The following DYNC2H1 variants were observed in gnomAD, a reference collection of about 807,000 sequenced individuals.
The protein encoded by DYNC2H1 is cytoplasmic dynein 2 heavy chain 1.
A neutral mutation model predicts 570.0 loss-of-function variants in DYNC2H1; 410 were observed. The observed-to-expected ratio is 0.72, with a 90% CI of 0.66 to 0.78. DYNC2H1 has a LOEUF of 0.78. Ranked by LOEUF, DYNC2H1 falls within the 30% of genes least tolerant of loss-of-function variation. DYNC2H1 has a pLI of 0.00. For synonymous variants in DYNC2H1, 1,688 were observed against 1,677.6 expected (o/e 1.01, Z -0.15); for missense variants, 4,865 against 5,046.4 (o/e 0.96, Z 1.09).
At position 103,191,589 on chromosome 11, in the gene DYNC2H1, C is replaced by A. The variant is rs1411372107; in HGVS notation, c.7510C>A (p.Leu2504Ile). The A allele has an allele frequency of 1.2e-6, 2 of 1,608,910 alleles. No individual in the cohort carries two copies. Among genetic ancestry groups the A allele is most frequent in the Non-Finnish European group, 1.7e-6 (2 of 1,177,544 alleles). ...FTPCILTQWV[L>I]GLFRYDLEGG... ...TCCTTGCATTCTTACCCAATGGGTT[C>A]TTGGCTTATTTAGATATGATTTAGA... Residue 2504 changes from leucine (L) to isoleucine (I), a missense_variant, in exon 46 of 89, where the codon CTT becomes ATT. Coordinates refer to ENST00000375735, the MANE Select transcript of DYNC2H1 (RefSeq NM_001377.3).
At chr11:103,270,768 A>G (rs942753398) in intron 70 of DYNC2H1, among the ~76,000 whole-genome samples, 2 of 152,164 alleles carry the variant, frequency 1.3e-5, no homozygotes, top group African/African-American at 2.4e-5. Flanking sequence ...ACATGATCTC[A>G]TCATGTTACT....
At chr11:103,433,619 G>A (rs137900632) in intron 84 of DYNC2H1, among the ~76,000 whole-genome samples, 9 of 152,180 alleles carry the variant, frequency 5.9e-5, no homozygotes, top group Admixed American at 5.2e-4. Context: ...AACTGCCACA[G>A]TCTGCCCTCT....
At chr11:103,174,192 A>T in intron 36 of DYNC2H1, 22 bp downstream of exon 36, 1 of 1,491,694 alleles carries the variant, frequency 6.7e-7, no homozygotes, top group Non-Finnish European at 9.1e-7. Context: ...TATTCCAAAT[A>T]CATTAACTTA....
In DYNC2H1 at chr11:103,197,892, G is replaced by A. The variant is rs1424789959; in HGVS notation, c.7709-41G>A. 28 of 1,541,386 alleles carry A rather than the reference G, an allele frequency of 1.8e-5. 1 individual carries two copies. Among genetic ancestry groups the A allele is most frequent in the South Asian group, 4.8e-5 (4 of 82,502 alleles). ...AATGTATTTGTTGAACTCTCATTAC[G>A]AGTAATGCATATAAAACAAAAATAT... On this transcript the variant is annotated intron_variant, in intron 47 of 88. Coordinates refer to ENST00000375735, the MANE Select transcript of DYNC2H1 (RefSeq NM_001377.3).
chr11:103,347,184 A>T (rs1471088186), intron 82 of DYNC2H1, among the ~76,000 whole-genome samples: 3 of 152,206 alleles, frequency 2.0e-5, no homozygotes, highest in Non-Finnish European at 2.9e-5. Flanking sequence ...TTTGCAAGAT[A>T]ACGAACTCAG....
chr11:103,187,373 G>GT lies in DYNC2H1; in HGVS notation c.6928dup (p.Ser2310PhefsTer10). On this transcript the variant is annotated frameshift_variant, in exon 43 of 89. Transcript: ENST00000375735. LOFTEE classifies it high-confidence loss of function. ...TCAGGTACGCATTTTCACAACTCCGGTCCACTCAAATTGCTACAGTTCACT... is the reference window on the plus strand; with the variant it reads ...TCAGGTACGCATTTTCACAACTCCGGTTCCACTCAAATTGCTACAGTTCACT... The GT allele has an allele frequency of 6.2e-7, 1 of 1,613,022 alleles. No homozygotes were observed. The highest frequency in any genetic ancestry group is 8.5e-7 in the Non-Finnish European group (1 of 1,179,306).
rs781430532 is a variant in DYNC2H1, at chr11:103,179,252, A to G, written c.6347+19A>G. 1.8e-5 allele frequency: 29 copies of G among 1,604,100 alleles called. No homozygotes were observed. The highest frequency in any genetic ancestry group is 2.5e-5 in the Non-Finnish European group (29 of 1,172,368). On this transcript the variant is annotated intron_variant, in intron 39 of 88. Coordinates refer to ENST00000375735, the MANE Select transcript of DYNC2H1 (RefSeq NM_001377.3). ...TTCTTAGGTAAGCCATAGATTATTT[A>G]TATACAGTATATTAGAATATTCTTT...
At chr11:103,122,680 T>C (rs1858780121) in intron 10 of DYNC2H1, 145 bp from the exon 11 acceptor site, 6 of 712,314 alleles carry the variant, frequency 8.4e-6, no homozygotes, top group Non-Finnish European at 1.1e-5. Context: ...TATTTTTATA[T>C]TCTTTGGTGA....
At chr11:103,320,568 T>C (rs1938126925) in intron 80 of DYNC2H1, among the ~76,000 whole-genome samples, 2 of 152,230 alleles carry the variant, frequency 1.3e-5, no homozygotes, top group Non-Finnish European at 2.9e-5. Flanking sequence ...CAGATTATTT[T>C]ATAAACTGAC....
intron 8 of DYNC2H1, 51 bp downstream of exon 8, chr11:103,120,853 A>G (rs563587072): frequency 2.6e-6 from 3 of 1,148,394 alleles, no homozygotes; most frequent in South Asian, 3.2e-5. Flanking sequence ...GCTAATATAT[A>G]TATAAAAATA....
At chr11:103,178,010 A>G (rs1332734143) in intron 38 of DYNC2H1, among the ~76,000 whole-genome samples, 190 bp downstream of exon 38, 2 of 152,120 alleles carry the variant, frequency 1.3e-5, no homozygotes, top group Non-Finnish European at 2.9e-5. Context: ...AAACTCTGTA[A>G]CTATTTTTAA....
intron 58 of DYNC2H1, among the ~76,000 whole-genome samples, chr11:103,222,735 T>G (rs1461952079): frequency 6.6e-6 from 1 of 152,214 alleles, no homozygotes; most frequent in East Asian, 1.9e-4. Flanking sequence ...ACATCTTTAA[T>G]TTAAAGATTC....
At position 103,461,525 on chromosome 11, in the gene DYNC2H1, T is replaced by C. The variant is rs1000353960; in HGVS notation, c.12648+5169T>C. Among the ~76,000 whole-genome samples, 1 of 152,162 alleles carries C rather than the reference T, an allele frequency of 6.6e-6. No homozygotes were observed. Among genetic ancestry groups the C allele is most frequent in the Non-Finnish European group, 1.5e-5 (1 of 68,016 alleles). Reference sequence around the variant, plus strand: ...ATATTGCAAAATACATAAATCAAGCTCCTGTTCAGCCTACATTTTACATCT... The same window carrying C: ...ATATTGCAAAATACATAAATCAAGCCCCTGTTCAGCCTACATTTTACATCT... On this transcript the variant is annotated intron_variant, in intron 87 of 88. Transcript: ENST00000375735. This position sits in a 1 kb window ranked among gnomAD's most constrained non-coding sequence, Gnocchi z 4.8.
chr11:103,137,498 G>T lies in DYNC2H1; in HGVS notation c.2574+1550G>T, dbSNP rs951595022. On this transcript the variant is annotated intron_variant, in intron 17 of 88. Transcript: ENST00000375735. ...TTAAATAGGGAATCCTTTCCCCATT[G>T]CTTGTTTTTCTCAGGTTTGTCAAAG... 3.4e-3 allele frequency among the ~76,000 whole-genome samples: 518 copies of T among 152,182 alleles called. 1 individual carries two copies. The highest frequency in any genetic ancestry group is 0.012 in the African/African-American group (492 of 41,516).
chr11:103,141,800 T>G (rs1454017891), intron 17 of DYNC2H1, among the ~76,000 whole-genome samples: 1 of 152,256 alleles, frequency 6.6e-6, no homozygotes. Context: ...GTCTGTGCCC[T>G]GCCCCCAGAG....
chr11:103,371,927 GTTTTTTTTTT>G (rs60335910), intron 83 of DYNC2H1, among the ~76,000 whole-genome samples: 27 of 67,896 alleles, frequency 4.0e-4, no homozygotes, highest in African/African-American at 1.1e-3. Flanking sequence ...TCCCATTTGG[GTTTTTTTTTT>G]TTTTTTTTTT....
chr11:103,459,482 T>A (rs925120121), intron 87 of DYNC2H1, among the ~76,000 whole-genome samples: 2 of 152,150 alleles, frequency 1.3e-5, no homozygotes, highest in African/African-American at 4.8e-5. Flanking sequence ...AGCCGTTACA[T>A]AATAAGCATT....
chr11:103,318,084 C>T (rs999395403), intron 80 of DYNC2H1, among the ~76,000 whole-genome samples: 5 of 152,006 alleles, frequency 3.3e-5, no homozygotes, highest in Non-Finnish European at 5.9e-5. Flanking sequence ...TAAGGATGGA[C>T]AGCTAGGATG....
chr11:103,280,268 G>A lies in DYNC2H1; in HGVS notation c.10696-80G>A. ...ATATGAAGACAGAATAGAGATTTTTGTGTGCCAAATTTTAACGACTATGCT... is the reference window on the plus strand; with the variant it reads ...ATATGAAGACAGAATAGAGATTTTTATGTGCCAAATTTTAACGACTATGCT... On this transcript the variant is annotated intron_variant, in intron 70 of 88. Coordinates refer to ENST00000375735, the MANE Select transcript of DYNC2H1 (RefSeq NM_001377.3). The surrounding 1 kb of genome is among the most constrained non-coding windows in gnomAD (Gnocchi z 4.7). 1.4e-6 allele frequency: 2 copies of A among 1,388,856 alleles called. No individual in the cohort carries two copies. The highest frequency in any genetic ancestry group is 2.0e-5 in the Admixed American group (1 of 49,158). The allele number at this position is 1,388,856 out of a possible 1,614,324, so 86.0% of individuals were successfully genotyped here.
Sources: allele counts gnomAD v4.1 joint callset (sites outside exome capture counted in the v4.1 genomes callset), GRCh38; gene constraint gnomAD v4.1.1; non-coding constraint Gnocchi (gnomAD v3.1); transcripts MANE v1.5; gene names NCBI Gene and HGNC (gene_info 2026-07-23, HGNC 2026-07-21).